FNTA: variants seen among roughly 807,000 people sequenced by gnomAD.
FNTA encodes the protein protein farnesyltransferase/geranylgeranyltransferase type-1 subunit alpha.
A neutral mutation model predicts 55.2 loss-of-function variants in FNTA; 27 were observed. The observed-to-expected ratio is 0.49, with a 90% CI of 0.36 to 0.67. FNTA has a LOEUF of 0.67. FNTA is among the 30% of genes least tolerant of loss of function. The pLI, the probability that FNTA is intolerant of heterozygous loss-of-function variation, is 0.00. For synonymous variants in FNTA, 176 were observed against 170.7 expected (o/e 1.03, Z -0.24); for missense variants, 422 against 464.7 (o/e 0.91, Z 0.85).
At chr8:43,075,705 A>G (rs1179241520) in intron 5 of FNTA, among the ~76,000 whole-genome samples, 4 of 152,110 alleles carry the variant, frequency 2.6e-5, no homozygotes, top group African/African-American at 9.7e-5. Flanking sequence ...AGTCCCAGCT[A>G]CTTGAGGAGC....
At chr8:43,072,806 A>G (rs1466832649) in intron 5 of FNTA, among the ~76,000 whole-genome samples, 1 of 152,194 alleles carries the variant, frequency 6.6e-6, no homozygotes, top group Non-Finnish European at 1.5e-5. Flanking sequence ...ATCTCTTTGG[A>G]TGTAGTAAAT....
chr8:43,068,226 G>T lies in FNTA; in HGVS notation c.402-1329G>T, dbSNP rs112299683. Among the ~76,000 whole-genome samples the T allele has an allele frequency of 1.9e-3, 291 of 152,170 alleles. 2 individuals are homozygous for T. Among genetic ancestry groups the T allele is most frequent in the Non-Finnish European group, 3.7e-3 (250 of 67,994 alleles). On this transcript the variant is annotated intron_variant, in intron 3 of 8. Transcript: ENST00000302279. ...GGGGTTTTGCCACGTTGGCCAGGCT[G>T]GTCTCAAACTCTTGACCTCAAGTGA...
chr8:43,071,132 A>G (rs982239167), intron 4 of FNTA, among the ~76,000 whole-genome samples: 1 of 152,064 alleles, frequency 6.6e-6, no homozygotes, highest in Non-Finnish European at 1.5e-5. Flanking sequence ...GCTCACTTTT[A>G]GTTGAATGTT....
chr8:43,059,500 A>G (rs954910034), intron 2 of FNTA, among the ~76,000 whole-genome samples: 1 of 152,222 alleles, frequency 6.6e-6, no homozygotes, highest in Non-Finnish European at 1.5e-5. Flanking sequence ...CACAATATAA[A>G]TGAGTTACTG....
intron 5 of FNTA, among the ~76,000 whole-genome samples, chr8:43,072,973 T>G (rs1426699561): frequency 6.6e-6 from 1 of 152,188 alleles, no homozygotes; most frequent in African/African-American, 2.4e-5. Context: ...TACAGTAACT[T>G]AAGTTTTTTA....
Position 43,085,342 on chromosome 8 carries a change from T to G in FNTA, c.*60T>G, listed in dbSNP as rs766621644. Reference sequence around the variant, plus strand: ...TTTTTATTAAGGGACCCTGCAGGAGTTTCACACGAGAGTGGTCCTTCCCTT... The same window carrying G: ...TTTTTATTAAGGGACCCTGCAGGAGGTTCACACGAGAGTGGTCCTTCCCTT... On this transcript the variant is annotated 3_prime_UTR_variant, in exon 9 of 9. Coordinates refer to ENST00000302279, the MANE Select transcript of FNTA (RefSeq NM_002027.3). 6 of 1,526,712 alleles carry G rather than the reference T, an allele frequency of 3.9e-6. No homozygotes were observed. Among genetic ancestry groups the G allele is most frequent in the Non-Finnish European group, 4.5e-6 (5 of 1,117,324 alleles). The allele number at this position is 1,526,712 out of a possible 1,614,324, so 94.6% of individuals were successfully genotyped here. A position where few individuals can be genotyped will look rare whatever the true frequency, so the allele number is the denominator to read the frequency against.
At chr8:43,061,329 TAACTTC>T (rs2130542843) in intron 2 of FNTA, among the ~76,000 whole-genome samples, 1 of 152,362 alleles carries the variant, frequency 6.6e-6, no homozygotes, top group African/African-American at 2.4e-5. Flanking sequence ...GTTCAAATTC[TAACTTC>T]ACATTTTACT....
intron 1 of FNTA, 124 bp from the exon 2 acceptor site, chr8:43,058,968 A>G: frequency 3.1e-6 from 2 of 638,234 alleles, no homozygotes; most frequent in South Asian, 2.6e-5. Context: ...AACCATGATT[A>G]CATTATGAGC....
intron 8 of FNTA, 119 bp from the exon 9 acceptor site, chr8:43,085,041 G>C: frequency 8.9e-7 from 1 of 1,126,232 alleles, no homozygotes; most frequent in Middle Eastern, 2.1e-4. Context: ...AACACAGCCG[G>C]TGACTCTTAA....
At chr8:43,064,073 C>T (rs1486399714) in intron 2 of FNTA, 28 bp from the exon 3 acceptor site, 1 of 1,345,930 alleles carries the variant, frequency 7.4e-7, no homozygotes, top group Admixed American at 1.7e-5. Context: ...TAAGATGGTC[C>T]TAATGTAGTT....
At chr8:43,075,155 T>A (rs973199727) in intron 5 of FNTA, among the ~76,000 whole-genome samples, 1 of 152,192 alleles carries the variant, frequency 6.6e-6, no homozygotes, top group Non-Finnish European at 1.5e-5. Flanking sequence ...GACATTAAAT[T>A]GTTACATTGA....
intron 6 of FNTA, 141 bp downstream of exon 6, chr8:43,077,505 A>G: frequency 2.1e-6 from 1 of 465,126 alleles, no homozygotes; most frequent in Non-Finnish European, 3.7e-6. Context: ...ACATAGGATG[A>G]TAGATTTACA....
chr8:43,069,438 C>A, intron 3 of FNTA, 117 bp from the exon 4 acceptor site: 1 of 670,004 alleles, frequency 1.5e-6, no homozygotes, highest in Non-Finnish European at 2.7e-6. Flanking sequence ...TTAAATTATA[C>A]AGATTACCTG....
At chr8:43,060,666 A>C (rs1810509647) in intron 2 of FNTA, among the ~76,000 whole-genome samples, 1 of 107,260 alleles carries the variant, frequency 9.3e-6, no homozygotes, top group African/African-American at 3.0e-5. Flanking sequence ...CAAGAGCAAA[A>C]CTCTGTCTCA....
chr8:43,070,164 C>T (rs1017234017), intron 4 of FNTA: 1 of 151,544 alleles, frequency 6.6e-6, no homozygotes, highest in South Asian at 2.1e-4. Context: ...GCCTGTAATC[C>T]CAGCTACTCA....
chr8:43,067,729 A>C (rs938601992), intron 3 of FNTA, among the ~76,000 whole-genome samples: 5 of 147,528 alleles, frequency 3.4e-5, no homozygotes, highest in Admixed American at 3.4e-4. Flanking sequence ...TATTTTTATT[A>C]ATTTTTTTGA....
At chr8:43,069,943 C>T (rs1405919890) in intron 4 of FNTA, among the ~76,000 whole-genome samples, 1 of 151,968 alleles carries the variant, frequency 6.6e-6, no homozygotes, top group East Asian at 1.9e-4. Flanking sequence ...TGCGCCTGGC[C>T]TAGAATTTTA....
Position 43,069,309 on chromosome 8 carries a change from G to A in FNTA, c.402-246G>A, listed in dbSNP as rs181256004. ...TTTTTTCTGTATTTTTAGTAGAGAC[G>A]AGGTTTCACCACGTTGGCAAGGCTG... On this transcript the variant is annotated intron_variant, in intron 3 of 8. Coordinates refer to ENST00000302279, the MANE Select transcript of FNTA (RefSeq NM_002027.3). 1.3e-3 allele frequency among the ~76,000 whole-genome samples: 195 copies of A among 151,864 alleles called. 1 individual carries two copies. The highest frequency in any genetic ancestry group is 5.2e-4 in the Non-Finnish European group (35 of 67,944).
intron 7 of FNTA, among the ~76,000 whole-genome samples, chr8:43,083,911 A>G (rs1811072477): frequency 6.6e-6 from 1 of 152,190 alleles, no homozygotes; most frequent in Non-Finnish European, 1.5e-5. Context: ...CGTCTCTACT[A>G]AAAATATACA....
Sources: allele counts gnomAD v4.1 joint callset (sites outside exome capture counted in the v4.1 genomes callset), GRCh38; gene constraint gnomAD v4.1.1; transcripts MANE v1.5; gene names NCBI Gene and HGNC (gene_info 2026-07-23, HGNC 2026-07-21).